Variants in GRHL2 observed in about 807,000 individuals in gnomAD.
GRHL2 encodes grainyhead like transcription factor 2.
In GRHL2, 21 loss-of-function variants were observed where a neutral mutation model predicts 83.8. The ratio of observed to expected loss-of-function variants is 0.25; its 90% CI spans 0.18 to 0.36. GRHL2 has a LOEUF of 0.36. Ranked by LOEUF, GRHL2 falls within the 10% of genes least tolerant of loss-of-function variation. The pLI is 1.00. For synonymous variants in GRHL2, 280 were observed against 278.9 expected, an observed-to-expected ratio of 1.00 and a Z score of -0.04; for missense variants, 623 against 781.8, an observed-to-expected ratio of 0.80 and a Z score of 2.42.
the GRHL2 span, among the ~76,000 whole-genome samples, chr8:101,681,039 A>C: frequency 7.8e-6 from 1 of 128,348 alleles, no homozygotes; most frequent in East Asian, 2.3e-4. Flanking sequence ...AAGCAAACAC[A>C]TTCAAAAGCT....
At chr8:101,532,091 G>A (rs1810940810) in intron 1 of GRHL2, among the ~76,000 whole-genome samples, 1 of 152,194 alleles carries the variant, frequency 6.6e-6, no homozygotes, top group Non-Finnish European at 1.5e-5. Flanking sequence ...AACATGGAAA[G>A]TATCTGTTAT....
rs1326885713 is a variant in GRHL2 at position 101,509,147 on chromosome 8, TTCCTTC to T, written c.20+16359_20+16364del. On this transcript the variant is annotated intron_variant, in intron 1 of 15. Coordinates refer to ENST00000646743, the MANE Select transcript of GRHL2 (RefSeq NM_024915.4). ...CTTCCTTCCTTCCTTCCTTCCTTCC[TTCCTTC>T]CTTCCTTTCTTTCTTTCTTTTTCTT... 4.9e-3 allele frequency among the ~76,000 whole-genome samples: 416 copies of T among 84,304 alleles called. 8 individuals carry two copies. The highest frequency in any genetic ancestry group is 0.011 in the East Asian group (49 of 4,336). The allele number at this position is 84,304 out of a possible 152,430, so 55.3% of individuals were successfully genotyped here.
chr8:101,621,370 C>T (rs1168382449), intron 9 of GRHL2, among the ~76,000 whole-genome samples: 1 of 151,918 alleles, frequency 6.6e-6, no homozygotes, highest in Non-Finnish European at 1.5e-5. Context: ...AAAAAATCAA[C>T]TTGAGATGTG....
At chr8:101,543,857 T>C (rs7838817) in intron 2 of GRHL2, 21,023 of 225,054 alleles carry the variant, frequency 0.093, 1,164 homozygotes, top group African/African-American at 0.16. Context: ...AGCGGTTTAA[T>C]TGGACTTACA....
chr8:101,671,787 T>C (rs62517395), downstream of GRHL2, among the ~76,000 whole-genome samples: 41,988 of 151,938 alleles, frequency 0.28, 6,312 homozygotes, highest in African/African-American at 0.38. Context: ...AGGCATCCCC[T>C]AGTAGGGGCA....
At chr8:101,589,891 A>G (rs535601507) in intron 7 of GRHL2, among the ~76,000 whole-genome samples, 15 of 152,308 alleles carry the variant, frequency 9.8e-5, no homozygotes, top group African/African-American at 3.1e-4. Context: ...GAGGAGTCAA[A>G]GGCCTCTGGC....
intron 13 of GRHL2, among the ~76,000 whole-genome samples, 175 bp downstream of exon 13, chr8:101,644,400 C>G (rs954527929): frequency 1.3e-5 from 2 of 152,198 alleles, no homozygotes; most frequent in African/African-American, 4.8e-5. Flanking sequence ...CTTTCAACAC[C>G]TTAAGAAAAC....
chr8:101,550,178 CTT>C (rs4002324), intron 2 of GRHL2, among the ~76,000 whole-genome samples: 35,760 of 149,278 alleles, frequency 0.24, 6,673 homozygotes, highest in African/African-American at 0.52. Context: ...ATATGCAGGT[CTT>C]TTTTTTTTTT....
At chr8:101,515,911 C>G (rs1414791900) in intron 1 of GRHL2, among the ~76,000 whole-genome samples, 1 of 152,160 alleles carries the variant, frequency 6.6e-6, no homozygotes. Context: ...TAAGCACTGT[C>G]CATGGATAAC....
intron 8 of GRHL2, among the ~76,000 whole-genome samples, chr8:101,610,223 T>C (rs1358551128): frequency 6.6e-6 from 1 of 150,972 alleles, no homozygotes; most frequent in Non-Finnish European, 1.5e-5. Context: ...GGGAGAGAGA[T>C]TTAATGTTTT....
At chr8:101,511,155 C>T (rs979170553) in intron 1 of GRHL2, among the ~76,000 whole-genome samples, 1 of 151,990 alleles carries the variant, frequency 6.6e-6, no homozygotes, top group African/African-American at 2.4e-5. Context: ...TAATTTTATA[C>T]ATGTTGTTTT....
intron 6 of GRHL2, among the ~76,000 whole-genome samples, chr8:101,575,195 G>A (rs564994806): frequency 1.3e-5 from 2 of 151,902 alleles, no homozygotes; most frequent in East Asian, 3.9e-4. Context: ...AGAAGACACT[G>A]AATAAATTAG....
At chr8:101,569,752 G>A (rs1211716314) in intron 4 of GRHL2, among the ~76,000 whole-genome samples, 1 of 152,182 alleles carries the variant, frequency 6.6e-6, no homozygotes, top group Non-Finnish European at 1.5e-5. Context: ...TTACAGGCAT[G>A]AGCCACCATG....
At chr8:101,610,639 G>T (rs557598020) in intron 8 of GRHL2, among the ~76,000 whole-genome samples, 2 of 150,952 alleles carry the variant, frequency 1.3e-5, no homozygotes, top group African/African-American at 2.5e-5. Context: ...CAGTACCAAC[G>T]TAGGGGCTGT....
chr8:101,544,329 C>A (rs1009790268), intron 2 of GRHL2, among the ~76,000 whole-genome samples: 2 of 152,176 alleles, frequency 1.3e-5, no homozygotes, highest in Non-Finnish European at 2.9e-5. Flanking sequence ...ACAACCCTAA[C>A]TTTCTCCATT....
chr8:101,531,929 AG>A (rs1404651426), intron 1 of GRHL2, among the ~76,000 whole-genome samples: 1 of 152,224 alleles, frequency 6.6e-6, no homozygotes, highest in Non-Finnish European at 1.5e-5. Flanking sequence ...TTTGTTTTAC[AG>A]TTTATTGTTT....
intron 7 of GRHL2, among the ~76,000 whole-genome samples, chr8:101,592,100 CTTTTTTTTTTTT>C (rs11382067): frequency 2.2e-5 from 2 of 90,302 alleles, no homozygotes; most frequent in African/African-American, 4.6e-5. Flanking sequence ...TCTTTCTTTT[CTTTTTTTTTTTT>C]TTTTTTTTTT....
chr8:101,674,421 T>C (rs572670599), downstream of GRHL2, among the ~76,000 whole-genome samples: 228 of 152,262 alleles, frequency 1.5e-3, 1 homozygote, highest in African/African-American at 4.8e-3. Flanking sequence ...CAGAGAATAC[T>C]ACAAACACCT....
At chr8:101,608,065 C>G (rs1443464032) in intron 8 of GRHL2, among the ~76,000 whole-genome samples, 1 of 152,166 alleles carries the variant, frequency 6.6e-6, no homozygotes, top group Non-Finnish European at 1.5e-5. Flanking sequence ...ATTGTGTGTG[C>G]GTGTGTACAC....
Sources: gnomAD v4.1 joint callset for allele counts (sites outside exome capture counted in the v4.1 genomes callset) on GRCh38, gnomAD v4.1.1 for gene constraint, MANE v1.5 for transcripts, NCBI Gene and HGNC (gene_info 2026-07-23, HGNC 2026-07-21) for gene names.